Variants in PRKG1 observed in about 807,000 individuals in gnomAD.
PRKG1 encodes the protein protein kinase cGMP-dependent 1.
In PRKG1, 35 loss-of-function variants were observed where a neutral mutation model predicts 88.1. The ratio of observed to expected loss-of-function variants is 0.40; its 90% confidence interval spans 0.30 to 0.53. The LOEUF is 0.53. Ranked by LOEUF, PRKG1 falls within the 20% of genes least tolerant of loss-of-function variation. The pLI is 0.59. For missense variants in PRKG1, 540 were observed against 839.8 expected (o/e 0.64, Z 4.41); for synonymous variants, 303 against 292.5 (o/e 1.04, Z -0.37).
chr10:51,322,422 C>T (rs1841480701), intron 2 of PRKG1, among the ~76,000 whole-genome samples: 1 of 152,046 alleles, frequency 6.6e-6, no homozygotes, highest in African/African-American at 2.4e-5. Flanking sequence ...ACTGTCTGAC[C>T]CTGAAATTGA....
intron 5 of PRKG1, among the ~76,000 whole-genome samples, chr10:51,978,057 A>G (rs1054892314): frequency 6.6e-5 from 10 of 152,056 alleles, no homozygotes; most frequent in Non-Finnish European, 8.8e-5. Context: ...TCCTATGTCT[A>G]GAATGGTATT....
intron 2 of PRKG1, among the ~76,000 whole-genome samples, chr10:51,223,028 G>A (rs1453813261): frequency 6.6e-6 from 1 of 151,524 alleles, no homozygotes; most frequent in Admixed American, 6.6e-5. Context: ...GGGTGGTGCG[G>A]GGGAGGGTAA....
chr10:51,154,075 T>A (rs1589198958), intron 2 of PRKG1, among the ~76,000 whole-genome samples: 1 of 151,984 alleles, frequency 6.6e-6, no homozygotes, highest in African/African-American at 2.4e-5. Flanking sequence ...TGGTGACACA[T>A]GAAAACCAGT....
intron 1 of PRKG1, among the ~76,000 whole-genome samples, chr10:50,996,764 CT>C (rs1203644679): frequency 2.0e-5 from 3 of 152,216 alleles, no homozygotes; most frequent in Admixed American, 6.5e-5. Context: ...TCATCCCTAC[CT>C]TTCCCACCAT....
intron 5 of PRKG1, among the ~76,000 whole-genome samples, chr10:52,036,278 G>A (rs1845607911): frequency 6.6e-6 from 1 of 151,976 alleles, no homozygotes; most frequent in Non-Finnish European, 1.5e-5. Context: ...ATAGGTTATA[G>A]AGGCAGGTAC....
rs747287484 is a variant in PRKG1 at position 51,797,256 on chromosome 10, C to CTAGCCAA, written c.593-7328_593-7322dup. Reference sequence around the variant, plus strand: ...CATGAAACACCATTTATTTAGTTATCTAGCCAAGTAAATACATCTGATCAC... The same window carrying CTAGCCAA: ...CATGAAACACCATTTATTTAGTTATCTAGCCAATAGCCAAGTAAATACATCTGATCAC... On this transcript the variant is annotated intron_variant, in intron 3 of 17. Coordinates refer to ENST00000373980, the MANE Select transcript of PRKG1 (RefSeq NM_006258.4). Among the ~76,000 whole-genome samples, 146 of 149,198 alleles carry CTAGCCAA rather than the reference C, an allele frequency of 9.8e-4. 1 individual carries two copies. In the Middle Eastern group the frequency reaches 0.018, roughly 18 times the overall value.
At chr10:52,096,069 T>C (rs1386274317) in intron 7 of PRKG1, among the ~76,000 whole-genome samples, 1 of 152,244 alleles carries the variant, frequency 6.6e-6, no homozygotes, top group African/African-American at 2.4e-5. Flanking sequence ...GGGAGCAACA[T>C]CTGTACTTAG....
intron 3 of PRKG1, among the ~76,000 whole-genome samples, chr10:51,502,372 G>A (rs992690287): frequency 6.6e-6 from 1 of 152,122 alleles, no homozygotes; most frequent in Non-Finnish European, 1.5e-5. Flanking sequence ...TGCCAGCTCT[G>A]AGGAGCACAA....
At chr10:51,666,707 G>A (rs1840430291) in intron 3 of PRKG1, among the ~76,000 whole-genome samples, 1 of 152,134 alleles carries the variant, frequency 6.6e-6, no homozygotes, top group Non-Finnish European at 1.5e-5. Flanking sequence ...TCAGGCACAA[G>A]GTTCATGGTT....
intron 3 of PRKG1, among the ~76,000 whole-genome samples, chr10:51,525,363 A>G (rs1841853720): frequency 6.6e-6 from 1 of 152,240 alleles, no homozygotes; most frequent in Non-Finnish European, 1.5e-5. Context: ...ATGTTAAGGT[A>G]TCTTCCCTTG....
chr10:51,053,769 GT>G (rs1258893566), intron 1 of PRKG1, among the ~76,000 whole-genome samples: 5 of 71,696 alleles, frequency 7.0e-5, no homozygotes, highest in Admixed American at 1.9e-4. Flanking sequence ...GTAGTTATGG[GT>G]TTTTTTTGTT....
intron 3 of PRKG1, among the ~76,000 whole-genome samples, chr10:51,511,940 A>G (rs1841424317): frequency 1.3e-5 from 2 of 152,356 alleles, no homozygotes; most frequent in South Asian, 4.1e-4. Context: ...GAAATACTGC[A>G]CAGCAATGAA....
chr10:51,441,192 C>T (rs1193360410), intron 2 of PRKG1, among the ~76,000 whole-genome samples: 1 of 151,824 alleles, frequency 6.6e-6, no homozygotes, highest in African/African-American at 2.4e-5. Flanking sequence ...ATCAACTTAA[C>T]ACTGAAGGCC....
chr10:51,682,966 G>C (rs1271559673), intron 3 of PRKG1, among the ~76,000 whole-genome samples: 1 of 152,100 alleles, frequency 6.6e-6, no homozygotes, highest in Non-Finnish European at 1.5e-5. Flanking sequence ...TCCAATTTCT[G>C]TCCAGTTATT....
chr10:51,107,786 G>A (rs1844878074), intron 1 of PRKG1, among the ~76,000 whole-genome samples: 1 of 138,616 alleles, frequency 7.2e-6, no homozygotes, highest in Non-Finnish European at 1.5e-5. Flanking sequence ...ACTCCAGCCT[G>A]GGCAACAGAG....
At chr10:51,594,793 A>G (rs548215527) in intron 3 of PRKG1, among the ~76,000 whole-genome samples, 1 of 152,286 alleles carries the variant, frequency 6.6e-6, no homozygotes, top group African/African-American at 2.4e-5. Flanking sequence ...AGCACATAAA[A>G]TGGGGCATTA....
intron 2 of PRKG1, among the ~76,000 whole-genome samples, chr10:51,335,223 G>A (rs1289218840): frequency 6.6e-6 from 1 of 151,620 alleles, no homozygotes; most frequent in Non-Finnish European, 1.5e-5. Context: ...CGCTTGTCAG[G>A]TTTCTTAATT....
At chr10:51,227,306 G>A (rs1838719371) in intron 2 of PRKG1, among the ~76,000 whole-genome samples, 1 of 151,966 alleles carries the variant, frequency 6.6e-6, no homozygotes, top group South Asian at 2.1e-4. Flanking sequence ...ATGAATGAAT[G>A]AATGATTTCT....
rs2132811640 is a variant in PRKG1, at chr10:51,853,153, C to G, written c.698+48463C>G. On this transcript the variant is annotated intron_variant, in intron 4 of 17. Transcript: ENST00000373980. The stretch of plus-strand genomic sequence containing the variant: ...TCTCTAGATCAGAGAAAGAACTAGT[C>G]AAATGTTCTTTCTAATACATCACCT... 1.3e-5 allele frequency among the ~76,000 whole-genome samples: 2 copies of G among 152,206 alleles called. 1 individual carries two copies. The highest frequency in any genetic ancestry group is 6.8e-3 in the Middle Eastern group (2 of 292).
Sources: allele counts gnomAD v4.1 joint callset (sites outside exome capture counted in the v4.1 genomes callset), GRCh38; gene constraint gnomAD v4.1.1; transcripts MANE v1.5; gene names NCBI Gene and HGNC (gene_info 2026-07-23, HGNC 2026-07-21).